CASC3: variants seen among roughly 807,000 people sequenced by gnomAD.
The protein encoded by CASC3 is protein CASC3.
Under a neutral mutation model 80.5 loss-of-function variants are expected in CASC3, and 30 were observed. The ratio of observed to expected loss-of-function variants is 0.37; its 90% CI spans 0.28 to 0.51. The LOEUF is 0.51. Among genes scored for constraint, CASC3 ranks in the 20% least tolerant of loss-of-function variants. CASC3 has a pLI of 0.94. For missense variants in CASC3, 824 were observed against 922.2 expected (o/e 0.89, Z 1.38); for synonymous variants, 312 against 333.6 (o/e 0.94, Z 0.70).
Position 40,171,773 on chromosome 17 carries a change from T to C in CASC3, c.*1368T>C. The C allele has an allele frequency of 1.7e-6, 2 of 1,160,768 alleles. No homozygotes were observed. Among genetic ancestry groups the C allele is most frequent in the Non-Finnish European group, 2.2e-6 (2 of 927,882 alleles). 71.9% of individuals were successfully genotyped at this position (1,160,768 alleles called of 1,614,324 possible). A position where few individuals can be genotyped will look rare whatever the true frequency, so the allele number is the denominator to read the frequency against. Reference sequence around the variant, plus strand: ...AACCTGAGGGCAAAGATGGTGGCTGTGTCTCTCCCCGGTAATGTCACTGTT... The same window carrying C: ...AACCTGAGGGCAAAGATGGTGGCTGCGTCTCTCCCCGGTAATGTCACTGTT... On this transcript the variant is annotated 3_prime_UTR_variant, in exon 14 of 14. Transcript: ENST00000264645.
At chr17:40,161,219 A>G (rs1989289633) in intron 3 of CASC3, among the ~76,000 whole-genome samples, 1 of 152,122 alleles carries the variant, frequency 6.6e-6, no homozygotes, top group South Asian at 2.1e-4. Flanking sequence ...ACCGCAGGTG[A>G]TCTGCCTGCA....
At chr17:40,148,548 A>T (rs1028517312) in intron 3 of CASC3, among the ~76,000 whole-genome samples, 1 of 152,018 alleles carries the variant, frequency 6.6e-6, no homozygotes, top group Non-Finnish European at 1.5e-5. Context: ...TTTAGTAGAG[A>T]TGAGGTTTCA....
rs141871920 is a variant in CASC3, at chr17:40,152,044, A to G, written c.298-9709A>G. Among the ~76,000 whole-genome samples, 125 of 152,358 alleles carry G rather than the reference A, an allele frequency of 8.2e-4. No homozygotes were observed. The Middle Eastern group carries it at 0.014, about 17-fold the overall frequency. ...CACAGTTAAGCTAATTAACGTATCT[A>G]TCACCTCACCTAGTTAACCTTTTTG... is the stretch of plus-strand genomic sequence containing the variant. On this transcript the variant is annotated intron_variant, in intron 3 of 13. Coordinates refer to ENST00000264645, the MANE Select transcript of CASC3 (RefSeq NM_007359.5).
intron 3 of CASC3, among the ~76,000 whole-genome samples, chr17:40,160,005 T>C (rs1280082758): frequency 2.0e-5 from 3 of 151,988 alleles, no homozygotes; most frequent in Non-Finnish European, 4.4e-5. Flanking sequence ...CGTGAACCAC[T>C]ACATCCAGCC....
intron 3 of CASC3, among the ~76,000 whole-genome samples, chr17:40,149,544 T>C (rs1988945408): frequency 6.6e-6 from 1 of 150,556 alleles, no homozygotes; most frequent in Non-Finnish European, 1.5e-5. Flanking sequence ...GGTCAAAGAT[T>C]GAAAAAAAGA....
chr17:40,165,560 A>G (rs1989427571), intron 7 of CASC3, among the ~76,000 whole-genome samples: 2 of 152,160 alleles, frequency 1.3e-5, no homozygotes, highest in Admixed American at 1.3e-4. Flanking sequence ...CAACGTTATT[A>G]TTTGAACTAA....
At position 40,163,494 on chromosome 17, in the gene CASC3, C is replaced by T. The variant is rs760465781; in HGVS notation, c.799C>T (p.Pro267Ser). ...CATTTTTTGTAGATATGGGAGTCCTCCACAAAGAGATCCAAACTGGAACGG... is the reference window on the plus strand; with the variant it reads ...CATTTTTTGTAGATATGGGAGTCCTTCACAAAGAGATCCAAACTGGAACGG... ...RIRKPRYGSP[P>S]QRDPNWNGER... Residue 267 changes from proline (P) to serine (S), a missense_variant, in exon 7 of 14, where the codon CCA becomes TCA. This residue lies in a region of CASC3 where 201 missense variants were observed against 294.1 expected (regional missense o/e 0.68). Transcript: ENST00000264645. 23 of 1,611,678 alleles carry T rather than the reference C, an allele frequency of 1.4e-5. No homozygotes were observed. Among genetic ancestry groups the T allele is most frequent in the Non-Finnish European group, 1.9e-5 (22 of 1,178,968 alleles).
chr17:40,159,711 ATTTTTTTTTTTT>A (rs71152647), intron 3 of CASC3, among the ~76,000 whole-genome samples: 5 of 93,166 alleles, frequency 5.4e-5, no homozygotes, highest in Non-Finnish European at 1.0e-4. Flanking sequence ...TTCCTGGCGA[ATTTTTTTTTTTT>A]TTTTTTTTTT....
At chr17:40,147,033 T>C (rs952209875) in intron 3 of CASC3, among the ~76,000 whole-genome samples, 3 of 152,270 alleles carry the variant, frequency 2.0e-5, no homozygotes, top group Admixed American at 6.5e-5. Flanking sequence ...GGAGTGTTCA[T>C]TGAGTTTTGG....
In CASC3 at chr17:40,145,943, T is replaced by C. The variant is rs377479525; in HGVS notation, c.297+4336T>C. On this transcript the variant is annotated intron_variant, in intron 3 of 13. Coordinates refer to ENST00000264645, the MANE Select transcript of CASC3 (RefSeq NM_007359.5). Reference sequence around the variant, plus strand: ...ACTATGCTTTGTCTGATTTAAATTTTAAAGATGTGTTTTTCAGATCCAGAG... The same window carrying C: ...ACTATGCTTTGTCTGATTTAAATTTCAAAGATGTGTTTTTCAGATCCAGAG... Among the ~76,000 whole-genome samples the C allele has an allele frequency of 6.2e-4, 95 of 152,234 alleles. 1 individual carries two copies. Among genetic ancestry groups the C allele is most frequent in the Middle Eastern group, 3.4e-3 (1 of 294 alleles).
intron 3 of CASC3, among the ~76,000 whole-genome samples, chr17:40,156,566 G>C (rs1989150680): frequency 6.6e-6 from 1 of 152,056 alleles, no homozygotes; most frequent in Non-Finnish European, 1.5e-5. Context: ...GCGGGCGCCT[G>C]TAGTCCCACC....
chr17:40,168,598 A>T (rs1419727325), intron 11 of CASC3, 181 bp downstream of exon 11: 1 of 608,882 alleles, frequency 1.6e-6, no homozygotes, highest in Non-Finnish European at 2.9e-6. Flanking sequence ...AATGCCCATC[A>T]TCTTTATTCT....
Position 40,157,274 on chromosome 17 carries a change from G to A in CASC3, c.298-4479G>A, listed in dbSNP as rs540315053. Among the ~76,000 whole-genome samples the A allele has an allele frequency of 1.5e-3, 223 of 152,172 alleles. 1 individual carries two copies. The highest frequency in any genetic ancestry group is 5.2e-3 in the African/African-American group (217 of 41,514). On this transcript the variant is annotated intron_variant, in intron 3 of 13. Coordinates refer to ENST00000264645, the MANE Select transcript of CASC3 (RefSeq NM_007359.5). ...GCAGGAGAATGGCGTGAACCTGGGA[G>A]GCAGAGTTTGCAGTGAGCTGAGATT...
At chr17:40,151,998 T>C (rs544318654) in intron 3 of CASC3, among the ~76,000 whole-genome samples, 5 of 152,372 alleles carry the variant, frequency 3.3e-5, no homozygotes, top group South Asian at 2.1e-4. Flanking sequence ...CATCTTGATA[T>C]ATGTGTACAT....
chr17:40,164,912 C>T (rs939939149), intron 7 of CASC3, among the ~76,000 whole-genome samples: 4 of 149,686 alleles, frequency 2.7e-5, no homozygotes, highest in Admixed American at 2.7e-4. Flanking sequence ...CTCACCACCA[C>T]ACCTGGCTAA....
chr17:40,170,888 A>T lies in CASC3; in HGVS notation c.*483A>T. On this transcript the variant is annotated 3_prime_UTR_variant, in exon 14 of 14. Transcript: ENST00000264645. The stretch of plus-strand genomic sequence containing the variant: ...CTCTCTCTCCCTGCCTTTAAATGAA[A>T]CAAGTCTAGTCTTCTGGTTTTCTAG... 1 of 985,394 alleles carries T rather than the reference A, an allele frequency of 1.0e-6. No individual in the cohort carries two copies. The highest frequency in any genetic ancestry group is 4.7e-5 in the South Asian group (1 of 21,278). 61.0% of individuals were successfully genotyped at this position (985,394 alleles called of 1,614,324 possible).
chr17:40,141,768 A>T lies in CASC3; in HGVS notation c.297+161A>T, dbSNP rs184161651. On this transcript the variant is annotated intron_variant, in intron 3 of 13. Transcript: ENST00000264645. Reference sequence around the variant, plus strand: ...TGTTACAGAAGGTCTTGTTCACTTTAGACCTAGGGAAAACTTGGGGCACGC... The same window carrying T: ...TGTTACAGAAGGTCTTGTTCACTTTTGACCTAGGGAAAACTTGGGGCACGC... Among the ~76,000 whole-genome samples the T allele has an allele frequency of 2.6e-5, 4 of 152,326 alleles. No homozygotes were observed. In the East Asian group the frequency reaches 7.7e-4, roughly 29 times the overall value.
chr17:40,168,983 C>T, intron 11 of CASC3: 1 of 233,956 alleles, frequency 4.3e-6, no homozygotes, highest in South Asian at 8.6e-5. Flanking sequence ...AAGCTGTATT[C>T]TACTCCTTAT....
Position 40,141,645 on chromosome 17 carries a change from A to C in CASC3, c.297+38A>C, listed in dbSNP as rs1398692918. The C allele has an allele frequency of 1.9e-6, 3 of 1,557,924 alleles. No homozygotes were observed. In the Admixed American group the frequency reaches 5.1e-5, roughly 27 times the overall value. The stretch of plus-strand genomic sequence containing the variant: ...GGTTTTTTCCTATGGTATAGATCAG[A>C]AATGCTTTTTAAAAACGTGTACACA... On this transcript the variant is annotated intron_variant, in intron 3 of 13. Transcript: ENST00000264645.
Sources: allele counts gnomAD v4.1 joint callset (sites outside exome capture counted in the v4.1 genomes callset), GRCh38; gene constraint gnomAD v4.1.1; regional missense constraint gnomAD v4.1.1; transcripts MANE v1.5; gene names NCBI Gene and HGNC (gene_info 2026-07-23, HGNC 2026-07-21).